The following CACNA2D3 variants were observed in gnomAD, a reference collection of about 807,000 sequenced individuals.
The protein encoded by CACNA2D3 is calcium voltage-gated channel auxiliary subunit alpha2delta 3, also known as voltage-dependent calcium channel subunit alpha-2/delta-3.
A neutral mutation model predicts 160.6 loss-of-function variants in CACNA2D3; 60 were observed. The ratio of observed to expected loss-of-function variants is 0.37; its 90% CI spans 0.30 to 0.46. CACNA2D3 has a LOEUF of 0.46. CACNA2D3 is among the 20% of genes least tolerant of loss of function. The pLI is 1.00. For synonymous variants in CACNA2D3, 558 were observed against 492.9 expected (o/e 1.13, Z -1.75); for missense variants, 1,205 against 1,365.0 (o/e 0.88, Z 1.85).
chr3:54,218,922 C>G (rs915884155), intron 2 of CACNA2D3, among the ~76,000 whole-genome samples: 1 of 152,162 alleles, frequency 6.6e-6, no homozygotes, highest in African/African-American at 2.4e-5. Context: ...CTGAGTCCAC[C>G]CAGATAATCC....
intron 4 of CACNA2D3, among the ~76,000 whole-genome samples, chr3:54,415,330 C>G (rs1376161377): frequency 2.6e-5 from 4 of 152,048 alleles, no homozygotes; most frequent in Admixed American, 2.6e-4. Context: ...TAAATTAAAC[C>G]TTGAATCTGG....
In CACNA2D3 at chr3:54,506,204, A is replaced by T. The variant is rs1165516207; in HGVS notation, c.544+2550A>T. Among the ~76,000 whole-genome samples the T allele has an allele frequency of 2.0e-5, 3 of 152,236 alleles. No homozygotes were observed. The East Asian group carries it at 5.8e-4, about 29-fold the overall frequency. ...TTGTTTTCCTTTTCAAGCTGCAGGA[A>T]TATATTTTATGTTTAGAAGGCCCTC... On this transcript the variant is annotated intron_variant, in intron 5 of 37. Transcript: ENST00000474759.
chr3:55,058,007 C>T (rs1704406710), intron 35 of CACNA2D3, among the ~76,000 whole-genome samples: 1 of 152,058 alleles, frequency 6.6e-6, no homozygotes, highest in Admixed American at 6.5e-5. Context: ...TCCATAGGAA[C>T]AGTAATTTAA....
intron 35 of CACNA2D3, among the ~76,000 whole-genome samples, chr3:55,029,375 A>G (rs1277969759): frequency 2.0e-5 from 3 of 152,218 alleles, no homozygotes; most frequent in Non-Finnish European, 4.4e-5. Context: ...GTTTAAAAAA[A>G]GATGTATTAC....
At chr3:54,623,239 C>T (rs114743723) in intron 9 of CACNA2D3, among the ~76,000 whole-genome samples, 3 of 152,320 alleles carry the variant, frequency 2.0e-5, no homozygotes, top group African/African-American at 7.2e-5. Flanking sequence ...TTGCTCTCTG[C>T]GGCTGTTACC....
intron 27 of CACNA2D3, among the ~76,000 whole-genome samples, chr3:54,909,514 G>A (rs1195811622): frequency 6.6e-6 from 1 of 152,076 alleles, no homozygotes; most frequent in Non-Finnish European, 1.5e-5. Context: ...AAAAGGGACG[G>A]GCATGAGCAG....
At chr3:54,975,573 G>A (rs1702372645) in intron 29 of CACNA2D3, among the ~76,000 whole-genome samples, 1 of 150,442 alleles carries the variant, frequency 6.6e-6, no homozygotes, top group Non-Finnish European at 1.5e-5. Flanking sequence ...TGGTGGAAAT[G>A]GAAGCTTAGG....
At chr3:54,349,459 C>T (rs1478187550) in intron 3 of CACNA2D3, among the ~76,000 whole-genome samples, 1 of 152,232 alleles carries the variant, frequency 6.6e-6, no homozygotes, top group African/African-American at 2.4e-5. Flanking sequence ...CCATCTGTCA[C>T]ACCTCCTCAC....
In CACNA2D3 at chr3:54,891,406, C is replaced by T. The variant is rs372142275; in HGVS notation, c.2202C>T (p.Leu734=). 307 of 1,613,954 alleles carry T rather than the reference C, an allele frequency of 1.9e-4. 3 individuals carry two copies. In the South Asian group the frequency reaches 3.2e-3, roughly 17 times the overall value. Residue 734 remains leucine, a synonymous_variant, in exon 25 of 38, where the codon CTC becomes CTT. Transcript: ENST00000474759. ...EVAFLGTRTG[L]SRINLFVGAE... ...CCTTCCTCGGCACTCGCACGGGCCTCTCCAGAATCAACCTGTTTGTCGGGG... is the reference window on the plus strand; with the variant it reads ...CCTTCCTCGGCACTCGCACGGGCCTTTCCAGAATCAACCTGTTTGTCGGGG...
In CACNA2D3 at chr3:54,773,178, G is replaced by A. The variant is rs574581948; in HGVS notation, c.1380+8827G>A. On this transcript the variant is annotated intron_variant, in intron 13 of 37. Coordinates refer to ENST00000474759, the MANE Select transcript of CACNA2D3 (RefSeq NM_018398.3). ...AAGTCCAACTTGGAGAAAACACTAT[G>A]CATTTGATAAATTGCACATTTGTTT... Among the ~76,000 whole-genome samples, 4 of 152,304 alleles carry A rather than the reference G, an allele frequency of 2.6e-5. No homozygotes were observed. In the East Asian group the frequency reaches 7.7e-4, roughly 29 times the overall value.
At chr3:54,460,382 C>T (rs368327986) in intron 4 of CACNA2D3, among the ~76,000 whole-genome samples, 86 of 152,214 alleles carry the variant, frequency 5.6e-4, no homozygotes, top group African/African-American at 2.0e-3. Flanking sequence ...GCCATTTTCA[C>T]GATATTGATT....
intron 3 of CACNA2D3, among the ~76,000 whole-genome samples, chr3:54,344,178 A>G (rs945149575): frequency 1.9e-4 from 29 of 152,180 alleles, no homozygotes; most frequent in African/African-American, 6.5e-4. Flanking sequence ...CTGCTGAGTT[A>G]GGTTCCCGCA....
chr3:54,676,797 G>A (rs1309222951), intron 11 of CACNA2D3, among the ~76,000 whole-genome samples: 1 of 152,168 alleles, frequency 6.6e-6, no homozygotes, highest in Non-Finnish European at 1.5e-5. Context: ...GATTTAGATT[G>A]CTCTTGTAGG....
At chr3:54,410,925 A>G (rs1436828133) in intron 4 of CACNA2D3, among the ~76,000 whole-genome samples, 1 of 152,234 alleles carries the variant, frequency 6.6e-6, no homozygotes, top group Non-Finnish European at 1.5e-5. Flanking sequence ...AATACTTCTG[A>G]TTCATGAAAG....
At chr3:54,346,406 A>G (rs550288843) in intron 3 of CACNA2D3, among the ~76,000 whole-genome samples, 2 of 152,222 alleles carry the variant, frequency 1.3e-5, no homozygotes, top group African/African-American at 4.8e-5. Context: ...AGCCTTTGCC[A>G]TAGTTATCTG....
intron 2 of CACNA2D3, among the ~76,000 whole-genome samples, chr3:54,202,606 A>G (rs749431921): frequency 9.2e-5 from 14 of 152,196 alleles, no homozygotes; most frequent in Non-Finnish European, 1.6e-4. Flanking sequence ...CTTAATCAGG[A>G]CACATATTTT....
At chr3:54,450,868 G>T (rs995314429) in intron 4 of CACNA2D3, among the ~76,000 whole-genome samples, 1 of 152,164 alleles carries the variant, frequency 6.6e-6, no homozygotes, top group African/African-American at 2.4e-5. Flanking sequence ...GACTCAGGGT[G>T]TGGTGCATCC....
intron 13 of CACNA2D3, among the ~76,000 whole-genome samples, chr3:54,794,604 T>C (rs550197139): frequency 1.5e-5 from 2 of 134,022 alleles, no homozygotes; most frequent in Admixed American, 1.5e-4. Context: ...CTCTCAGATA[T>C]ATTTTTTTTT....
At chr3:54,393,694 A>G (rs543634605) in intron 4 of CACNA2D3, among the ~76,000 whole-genome samples, 8 of 152,238 alleles carry the variant, frequency 5.3e-5, no homozygotes, top group South Asian at 2.1e-4. Flanking sequence ...AGGTACATCA[A>G]CTCGTGGGGA....
Sources: gnomAD v4.1 joint callset for allele counts (sites outside exome capture counted in the v4.1 genomes callset) on GRCh38, gnomAD v4.1.1 for gene constraint, MANE v1.5 for transcripts, NCBI Gene and HGNC (gene_info 2026-07-23, HGNC 2026-07-21) for gene names.